USP53: variants seen among roughly 807,000 people sequenced by gnomAD.
USP53 encodes the protein ubiquitin specific peptidase 53.
A neutral mutation model predicts 94.9 loss-of-function variants in USP53; 71 were observed. The ratio of observed to expected loss-of-function variants is 0.75; its 90% CI spans 0.62 to 0.91. The LOEUF (loss-of-function observed/expected upper bound fraction) is 0.91, where lower values mean the gene tolerates loss of function less well. Among genes scored for constraint, USP53 ranks in the 40% least tolerant of loss-of-function variants. The pLI is 0.00. For missense variants in USP53, 1,173 were observed against 1,281.0 expected (o/e 0.92, Z 1.29); for synonymous variants, 375 against 422.7 (o/e 0.89, Z 1.39).
chr4:119,226,587 A>C (rs1457590954), intron 3 of USP53, among the ~76,000 whole-genome samples: 1 of 152,186 alleles, frequency 6.6e-6, no homozygotes, highest in Non-Finnish European at 1.5e-5. Context: ...TAAATTAGCA[A>C]AACATTTCTA....
chr4:119,215,569 T>C (rs192882720), intron 2 of USP53, among the ~76,000 whole-genome samples: 1 of 152,294 alleles, frequency 6.6e-6, no homozygotes, highest in East Asian at 1.9e-4. Context: ...TGGTCTGTGG[T>C]TAGAATTGAG....
At chr4:119,272,609 C>T (rs1423873943) in intron 16 of USP53, 1 of 152,482 alleles carries the variant, frequency 6.6e-6, no homozygotes, top group Non-Finnish European at 1.5e-5. Context: ...CGGGGTTTCC[C>T]CAGGCTACTC....
At chr4:119,280,722 C>G (rs751452480) in intron 17 of USP53, among the ~76,000 whole-genome samples, 9 of 152,176 alleles carry the variant, frequency 5.9e-5, no homozygotes. Flanking sequence ...AAGGTGTTAA[C>G]TCAAGTTTGT....
chr4:119,231,569 G>T (rs999922360), intron 3 of USP53, among the ~76,000 whole-genome samples: 3 of 152,146 alleles, frequency 2.0e-5, no homozygotes, highest in Non-Finnish European at 4.4e-5. Flanking sequence ...CTCTGGGTTG[G>T]AGGTCCCCAA....
chr4:119,264,771 A>C (rs1005923429), intron 12 of USP53, among the ~76,000 whole-genome samples: 2 of 152,240 alleles, frequency 1.3e-5, no homozygotes, highest in African/African-American at 4.8e-5. Flanking sequence ...AGTTTCTTAT[A>C]AATTTAAACA....
At chr4:119,260,727 G>A in intron 11 of USP53, 74 bp downstream of exon 11, 2 of 1,545,566 alleles carry the variant, frequency 1.3e-6, no homozygotes, top group Non-Finnish European at 1.8e-6. Flanking sequence ...TGTTTTATCT[G>A]ATAACGACAA....
intron 9 of USP53, among the ~76,000 whole-genome samples, chr4:119,257,725 A>C (rs538829787): frequency 1.3e-5 from 2 of 152,326 alleles, no homozygotes; most frequent in Non-Finnish European, 2.9e-5. Flanking sequence ...TGTGTTTACT[A>C]TCTTTCTTAC....
chr4:119,224,318 C>T (rs1328840563), intron 3 of USP53, among the ~76,000 whole-genome samples: 3 of 152,206 alleles, frequency 2.0e-5, no homozygotes, highest in Non-Finnish European at 2.9e-5. Context: ...TAAACAGAAC[C>T]GATGTATAAA....
At chr4:119,231,646 A>C (rs1746091153) in intron 3 of USP53, among the ~76,000 whole-genome samples, 1 of 152,186 alleles carries the variant, frequency 6.6e-6, no homozygotes, top group South Asian at 2.1e-4. Flanking sequence ...ATATAGTTGT[A>C]TGCATTGCTG....
chr4:119,280,278 C>T (rs1406169849), intron 17 of USP53, among the ~76,000 whole-genome samples: 1 of 151,644 alleles, frequency 6.6e-6, no homozygotes, highest in Admixed American at 6.6e-5. Context: ...ATTAGGGACC[C>T]TTGAACACAT....
rs5861417 is a variant in USP53 at position 119,214,120 on chromosome 4, T to TAAAAAAAAAAA, written c.-883_-873dup. 3 of 123,386 alleles carry TAAAAAAAAAAA rather than the reference T, an allele frequency of 2.4e-5. No homozygotes were observed. The highest frequency in any genetic ancestry group is 2.8e-5 in the African/African-American group (1 of 35,252). The allele number at this position is 123,386 out of a possible 1,614,324, so 7.6% of individuals were successfully genotyped here. A position where few individuals can be genotyped will look rare whatever the true frequency, so the allele number is the denominator to read the frequency against. ...ACCCTTCGTCCTGTTAAAGATAAAT[T>TAAAAAAAAAAA]AAAAAAAAAAAAAAAAAACCAAAGG... On this transcript the variant is annotated 5_prime_UTR_variant, in exon 2 of 19. Coordinates refer to ENST00000692078, the MANE Select transcript of USP53 (RefSeq NM_001371395.1).
intron 5 of USP53, among the ~76,000 whole-genome samples, chr4:119,244,037 T>C (rs1469592594): frequency 6.6e-6 from 1 of 152,176 alleles, no homozygotes; most frequent in Admixed American, 6.5e-5. Context: ...CAGGATTTGG[T>C]AAATAGTAAA....
Position 119,248,762 on chromosome 4 carries a change from G to A in USP53, c.252G>A (p.Gln84=). ...TCGATTCCCAGACGATATTTGCACA[G>A]TTCCAACACAGTCGAGAAAAAGCAC... ...IFCALKTIFA[Q]FQHSREKALP... Residue 84 remains glutamine (Q), a synonymous_variant, in exon 7 of 19, where the codon CAG becomes CAA. Transcript: ENST00000692078. 1 of 1,613,772 alleles carries A rather than the reference G, an allele frequency of 6.2e-7. No individual in the cohort carries two copies. Among genetic ancestry groups the A allele is most frequent in the South Asian group, 1.1e-5 (1 of 91,052 alleles).
chr4:119,270,491 C>A (rs369490269), intron 15 of USP53, among the ~76,000 whole-genome samples: 1 of 152,106 alleles, frequency 6.6e-6, no homozygotes, highest in Non-Finnish European at 1.5e-5. Flanking sequence ...ACCTGGGATA[C>A]TTGTATATAT....
At chr4:119,260,990 T>C (rs2149387634) in intron 11 of USP53, among the ~76,000 whole-genome samples, 1 of 141,134 alleles carries the variant, frequency 7.1e-6, no homozygotes, top group Non-Finnish European at 1.5e-5. Context: ...GGCAGAGTCT[T>C]GCTCTGTCAC....
At position 119,294,161 on chromosome 4, in the gene USP53, G is replaced by A. The variant is rs1755058107; in HGVS notation, c.*950G>A. ...CCACCAGTGTTAGGAATTAATGTAG[G>A]GCACCCTCTTATTGGGAATGTCACT... On this transcript the variant is annotated 3_prime_UTR_variant, in exon 19 of 19. Coordinates refer to ENST00000692078, the MANE Select transcript of USP53 (RefSeq NM_001371395.1). The A allele has an allele frequency of 1.3e-5, 2 of 151,876 alleles. No homozygotes were observed. The highest frequency in any genetic ancestry group is 1.3e-4 in the Admixed American group (2 of 15,222). The allele number at this position is 151,876 out of a possible 1,614,324, so 9.4% of individuals were successfully genotyped here. A position where few individuals can be genotyped will look rare whatever the true frequency, so the allele number is the denominator to read the frequency against.
intron 3 of USP53, chr4:119,220,766 A>G (rs971506059): frequency 2.6e-5 from 4 of 152,214 alleles, no homozygotes; most frequent in African/African-American, 9.7e-5. Flanking sequence ...CTTGTTACAG[A>G]TAGGTACAGG....
intron 2 of USP53, among the ~76,000 whole-genome samples, 183 bp from the exon 3 acceptor site, chr4:119,217,367 G>C (rs1743942160): frequency 1.3e-5 from 2 of 152,100 alleles, no homozygotes; most frequent in Admixed American, 6.5e-5. Flanking sequence ...TGTCAGTGTA[G>C]TACTGACACT....
At chr4:119,260,691 C>A in intron 11 of USP53, 38 bp downstream of exon 11, 1 of 1,602,902 alleles carries the variant, frequency 6.2e-7, no homozygotes, top group South Asian at 1.1e-5. Context: ...CTTTTATTTT[C>A]AAATTCTTCT....
Sources: gnomAD v4.1 joint callset for allele counts (sites outside exome capture counted in the v4.1 genomes callset) on GRCh38, gnomAD v4.1.1 for gene constraint, MANE v1.5 for transcripts, NCBI Gene and HGNC (gene_info 2026-07-23, HGNC 2026-07-21) for gene names.